Variants in SAP30 observed in about 807,000 individuals in gnomAD.
SAP30 encodes Sin3A associated protein 30, also known as histone deacetylase complex subunit SAP30.
In SAP30, 13 loss-of-function variants were observed where a neutral mutation model predicts 19.6. That is an observed-to-expected ratio of 0.66 (90% CI 0.43 to 1.05). The LOEUF (loss-of-function observed/expected upper bound fraction) is 1.05. Ranked by LOEUF, SAP30 falls within the 50% of genes least tolerant of loss-of-function variation. The probability of loss-of-function intolerance (pLI) is 0.00; values close to 1 mark genes in which losing one functional copy is unlikely to be tolerated. For synonymous variants in SAP30, 108 were observed against 122.7 expected (o/e 0.88, Z 0.79); for missense variants, 257 against 292.1 (o/e 0.88, Z 0.88).
intron 1 of SAP30, among the ~76,000 whole-genome samples, chr4:173,372,210 A>C (rs1421857917): frequency 1.3e-5 from 2 of 152,220 alleles, no homozygotes; most frequent in Non-Finnish European, 2.9e-5. Flanking sequence ...AGCCGTTGCT[A>C]CTTTTGGGAG....
chr4:173,377,405 T>C lies in SAP30; in HGVS notation c.*78T>C. 7.2e-7 allele frequency: 1 copy of C among 1,387,912 alleles called. No homozygotes were observed. Among genetic ancestry groups the C allele is most frequent in the East Asian group, 2.6e-5 (1 of 38,642 alleles). 86.0% of individuals were successfully genotyped at this position (1,387,912 alleles called of 1,614,324 possible). A position where few individuals can be genotyped will look rare whatever the true frequency, so the allele number is the denominator to read the frequency against. ...TTCACATGTAGAAATGTTCTTTGTG[T>C]ATTTTTTCTACAGAGGATTTTCTCT... On this transcript the variant is annotated 3_prime_UTR_variant, in exon 4 of 4. Coordinates refer to ENST00000296504, the MANE Select transcript of SAP30 (RefSeq NM_003864.4).
Position 173,371,081 on chromosome 4 carries a change from A to G in SAP30, c.-102A>G. 7.8e-7 allele frequency: 1 copy of G among 1,284,026 alleles called. No individual in the cohort carries two copies. Among genetic ancestry groups the G allele is most frequent in the Non-Finnish European group, 1.0e-6 (1 of 994,688 alleles). 79.5% of individuals were successfully genotyped at this position (1,284,026 alleles called of 1,614,324 possible). A position where few individuals can be genotyped will look rare whatever the true frequency, so the allele number is the denominator to read the frequency against. On this transcript the variant is annotated 5_prime_UTR_variant, in exon 1 of 4. Transcript: ENST00000296504. This position sits in a 1 kb window ranked among gnomAD's most constrained non-coding sequence, Gnocchi z 6.4. ...TTGGTGTTTGGCCGTGCCGCTGTCT[A>G]ACTTGGTGTGCAGAGTGAATTGCCG...
chr4:173,375,321 T>TA (rs1384071852), intron 3 of SAP30, among the ~76,000 whole-genome samples: 1 of 152,174 alleles, frequency 6.6e-6, no homozygotes, highest in East Asian at 1.9e-4. Context: ...TTAACATTGT[T>TA]AAAATCTAAT....
intron 1 of SAP30, among the ~76,000 whole-genome samples, chr4:173,372,013 G>A (rs932504667): frequency 1.3e-5 from 2 of 152,230 alleles, no homozygotes; most frequent in Non-Finnish European, 2.9e-5. Flanking sequence ...GGAGTGAGAG[G>A]GAAGCCGAGC....
At chr4:173,373,822 T>C (rs1738992667) in intron 2 of SAP30, 117 bp from the exon 3 acceptor site, 1 of 383,938 alleles carries the variant, frequency 2.6e-6, no homozygotes, top group Non-Finnish European at 4.2e-6. Context: ...TTAAATTTTT[T>C]TTGATTTTGG....
chr4:173,371,543 G>T lies in SAP30; in HGVS notation c.315+46G>T. 6.4e-7 allele frequency: 1 copy of T among 1,554,484 alleles called. No homozygotes were observed. Among genetic ancestry groups the T allele is most frequent in the Non-Finnish European group, 8.7e-7 (1 of 1,152,896 alleles). ...CCCTGCCCTCCCGCCCCTCGGTGGG[G>T]CCCCAGGAGCCGGGCAAAGGCACGG... On this transcript the variant is annotated intron_variant, in intron 1 of 3. Coordinates refer to ENST00000296504, the MANE Select transcript of SAP30 (RefSeq NM_003864.4). This position sits in a 1 kb window ranked among gnomAD's most constrained non-coding sequence, Gnocchi z 6.4.
intron 2 of SAP30, among the ~76,000 whole-genome samples, 180 bp downstream of exon 2, chr4:173,373,695 T>A (rs184030049): frequency 3.3e-5 from 5 of 152,214 alleles, no homozygotes; most frequent in African/African-American, 1.2e-4. Flanking sequence ...CATTTTAGAT[T>A]GACAATTTTT....
chr4:173,371,624 T>C lies in SAP30; in HGVS notation c.315+127T>C. The C allele has an allele frequency of 7.0e-7, 1 of 1,429,974 alleles. No individual in the cohort carries two copies. Among genetic ancestry groups the C allele is most frequent in the South Asian group, 1.2e-5 (1 of 80,098 alleles). 88.6% of individuals were successfully genotyped at this position (1,429,974 alleles called of 1,614,324 possible). A position where few individuals can be genotyped will look rare whatever the true frequency, so the allele number is the denominator to read the frequency against. ...CTGGCTGCAGTGCGGTCTCGTGGAG[T>C]CTGTGTTTGGAAGCAAATAACAAAG... is the stretch of plus-strand genomic sequence containing the variant. On this transcript the variant is annotated intron_variant, in intron 1 of 3. Coordinates refer to ENST00000296504, the MANE Select transcript of SAP30 (RefSeq NM_003864.4). This position sits in a 1 kb window ranked among gnomAD's most constrained non-coding sequence, Gnocchi z 6.4.
At chr4:173,374,301 A>C (rs557616846) in intron 3 of SAP30, among the ~76,000 whole-genome samples, 1 of 152,270 alleles carries the variant, frequency 6.6e-6, no homozygotes, top group African/African-American at 2.4e-5. Flanking sequence ...TTTGAGACAG[A>C]ATCTCACTCT....
At chr4:173,373,593 C>A in intron 2 of SAP30, 78 bp downstream of exon 2, 1 of 1,339,270 alleles carries the variant, frequency 7.5e-7, no homozygotes, top group Non-Finnish European at 1.0e-6. Flanking sequence ...TATGAACAAT[C>A]TTTTAAGTGT....
rs1418812278 is a variant in SAP30 at position 173,371,112 on chromosome 4, G to A, written c.-71G>A. Reference sequence around the variant, plus strand: ...GTGTGCAGAGTGAATTGCCGCTGCCGGAGCGGAGAGAGGCGGAGCGGCCAG... The same window carrying A: ...GTGTGCAGAGTGAATTGCCGCTGCCAGAGCGGAGAGAGGCGGAGCGGCCAG... On this transcript the variant is annotated 5_prime_UTR_variant, in exon 1 of 4. Transcript: ENST00000296504. This position sits in a 1 kb window ranked among gnomAD's most constrained non-coding sequence, Gnocchi z 6.4. The A allele has an allele frequency of 1.5e-6, 2 of 1,377,506 alleles. No homozygotes were observed. Among genetic ancestry groups the A allele is most frequent in the Non-Finnish European group, 1.9e-6 (2 of 1,062,540 alleles). The allele number at this position is 1,377,506 out of a possible 1,614,324, so 85.3% of individuals were successfully genotyped here.
At chr4:173,374,065 C>A (rs1207591341) in intron 3 of SAP30, 28 bp downstream of exon 3, 3 of 1,245,590 alleles carry the variant, frequency 2.4e-6, no homozygotes, top group Non-Finnish European at 3.4e-6. Flanking sequence ...ACTATTTGAA[C>A]TATCTGCACA....
intron 3 of SAP30, among the ~76,000 whole-genome samples, chr4:173,375,371 G>A (rs1306481993): frequency 6.6e-6 from 1 of 151,920 alleles, no homozygotes; most frequent in Non-Finnish European, 1.5e-5. Flanking sequence ...CCTTGGTTGG[G>A]CAACACAGAT....
chr4:173,377,239 A>G lies in SAP30; in HGVS notation c.575A>G (p.Asn192Ser), dbSNP rs762786537. 2.0e-5 allele frequency: 32 copies of G among 1,606,874 alleles called. No homozygotes were observed. Among genetic ancestry groups the G allele is most frequent in the Non-Finnish European group, 2.5e-5 (30 of 1,176,846 alleles). The change falls in exon 4 of 4, where the codon AAT becomes AGT. Residue 192 changes from asparagine to serine, a missense_variant. Physicochemically the swap from Asn to Ser is conservative, Grantham distance 46. Coordinates refer to ENST00000296504, the MANE Select transcript of SAP30 (RefSeq NM_003864.4). ...TGCCACTTTAGGTCTATTCCAGTGA[A>G]TGAAAAAGACACCTTAACATATTTC... Reference protein sequence around the residue: ...VGCHFRSIPVNEKDTLTYFIY... With the variant: ...VGCHFRSIPVSEKDTLTYFIY...
At chr4:173,376,011 A>C (rs2126906170) in intron 3 of SAP30, among the ~76,000 whole-genome samples, 1 of 152,308 alleles carries the variant, frequency 6.6e-6, no homozygotes, top group South Asian at 2.1e-4. Flanking sequence ...TACCAAAACC[A>C]ACTCCGCCAC....
Position 173,371,260 on chromosome 4 carries a change from G to GGCCGCC in SAP30, c.85_90dup (p.Ala29_Ala30dup). ...CAGTGGCCGCAGTGGTCGCTGCCGCGGCCGCCGCCGCCTCGGCGGGGAACG... is the reference window on the plus strand; with the variant it reads ...CAGTGGCCGCAGTGGTCGCTGCCGCGGCCGCCGCCGCCGCCGCCTCGGCGGGGAACG... On this transcript the variant is annotated inframe_insertion, in exon 1 of 4. Transcript: ENST00000296504. The surrounding 1 kb of genome is among the most constrained non-coding windows in gnomAD (Gnocchi z 6.4). 7.7e-7 allele frequency: 1 copy of GGCCGCC among 1,292,862 alleles called. No homozygotes were observed. The highest frequency in any genetic ancestry group is 9.8e-7 in the Non-Finnish European group (1 of 1,022,088). 80.1% of individuals were successfully genotyped at this position (1,292,862 alleles called of 1,614,324 possible).
chr4:173,372,913 G>T (rs1437790739), intron 1 of SAP30, among the ~76,000 whole-genome samples: 1 of 152,170 alleles, frequency 6.6e-6, no homozygotes, highest in Non-Finnish European at 1.5e-5. Context: ...CTCCTGAGTA[G>T]CTGGGATTAC....
In SAP30 at chr4:173,371,562, G is replaced by C. The variant is rs1156566062; in HGVS notation, c.315+65G>C. On this transcript the variant is annotated intron_variant, in intron 1 of 3. Transcript: ENST00000296504. The surrounding 1 kb of genome is among the most constrained non-coding windows in gnomAD (Gnocchi z 6.4). The stretch of plus-strand genomic sequence containing the variant: ...GGTGGGGCCCCAGGAGCCGGGCAAA[G>C]GCACGGGTTGTCGGCGGGGTCCCCC... 5 of 1,539,456 alleles carry C rather than the reference G, an allele frequency of 3.2e-6. No individual in the cohort carries two copies. In the East Asian group the frequency reaches 1.2e-4, roughly 38 times the overall value.
At chr4:173,373,337 A>G in intron 1 of SAP30, 53 bp from the exon 2 acceptor site, 1 of 1,518,782 alleles carries the variant, frequency 6.6e-7, no homozygotes, top group Non-Finnish European at 8.8e-7. Flanking sequence ...TTACTAATAC[A>G]TAGACACATT....
Sources: gnomAD v4.1 joint callset for allele counts (sites outside exome capture counted in the v4.1 genomes callset) on GRCh38, gnomAD v4.1.1 for gene constraint, Gnocchi (gnomAD v3.1) non-coding constraint, MANE v1.5 for transcripts, NCBI Gene and HGNC (gene_info 2026-07-23, HGNC 2026-07-21) for gene names.